ZNF90: variants seen among roughly 807,000 people sequenced by gnomAD.
ZNF90 encodes the protein zinc finger protein HTF9.
In ZNF90, 11 loss-of-function variants were observed where a neutral mutation model predicts 12.0. The ratio of observed to expected loss-of-function variants is 0.92; its 90% CI spans 0.58 to 1.52. The LOEUF is 1.52. Among genes scored for constraint, ZNF90 ranks in the 40% most tolerant of loss-of-function variants. The probability of loss-of-function intolerance (pLI) is 0.00; values close to 1 mark genes in which losing one functional copy is unlikely to be tolerated. For synonymous variants in ZNF90, 232 were observed against 240.1 expected, an observed-to-expected ratio of 0.97 and a Z score of 0.31; for missense variants, 765 against 711.5, an observed-to-expected ratio of 1.08 and a Z score of -0.86.
At chr19:20,105,583 A>G (rs1555704324) in intron 3 of ZNF90, among the ~76,000 whole-genome samples, 2 of 152,228 alleles carry the variant, frequency 1.3e-5, no homozygotes, top group African/African-American at 4.8e-5. Context: ...TTCATGGCAT[A>G]TAAGAGACTG....
At chr19:20,101,175 C>A (rs1555703831) in intron 1 of ZNF90, among the ~76,000 whole-genome samples, 1 of 152,184 alleles carries the variant, frequency 6.6e-6, no homozygotes, top group Non-Finnish European at 1.5e-5. Flanking sequence ...CTTTGCCACT[C>A]CCGATTAGGC....
intron 1 of ZNF90, among the ~76,000 whole-genome samples, chr19:20,104,030 C>G (rs1459999378): frequency 1.3e-5 from 2 of 152,090 alleles, no homozygotes; most frequent in Non-Finnish European, 2.9e-5. Context: ...CATATATGAA[C>G]TGATGTTGTG....
intron 1 of ZNF90, among the ~76,000 whole-genome samples, chr19:20,088,638 T>C (rs1244085351): frequency 6.6e-6 from 1 of 152,224 alleles, no homozygotes; most frequent in Admixed American, 6.5e-5. Flanking sequence ...TTTAAGAATA[T>C]GCAGGGTCCT....
chr19:20,092,740 A>C (rs1005079668), intron 1 of ZNF90, among the ~76,000 whole-genome samples: 1 of 152,186 alleles, frequency 6.6e-6, no homozygotes, highest in Admixed American at 6.5e-5. Flanking sequence ...GTGTGTTCTT[A>C]TGAAGAATTA....
intron 3 of ZNF90, among the ~76,000 whole-genome samples, chr19:20,112,946 G>C (rs1325134754): frequency 2.6e-5 from 4 of 151,616 alleles, no homozygotes; most frequent in African/African-American, 9.7e-5. Flanking sequence ...ATATATTTTT[G>C]GGTATGTCAC....
chr19:20,102,564 A>G (rs1379221631), intron 1 of ZNF90, among the ~76,000 whole-genome samples: 2 of 152,098 alleles, frequency 1.3e-5, no homozygotes, highest in African/African-American at 4.8e-5. Flanking sequence ...ATAGAAGTAT[A>G]TTTGCCTTGC....
chr19:20,114,538 TTAA>T (rs1472788272), intron 3 of ZNF90, among the ~76,000 whole-genome samples: 5 of 152,222 alleles, frequency 3.3e-5, no homozygotes, highest in African/African-American at 7.2e-5. Flanking sequence ...AATATTTATC[TTAA>T]TAATTGTTAG....
In ZNF90 at chr19:20,108,289, T is replaced by C. The variant is rs58496708; in HGVS notation, c.226+2973T>C. 4.9e-3 allele frequency among the ~76,000 whole-genome samples: 744 copies of C among 152,310 alleles called. 7 individuals are homozygous for C. Among genetic ancestry groups the C allele is most frequent in the African/African-American group, 0.016 (671 of 41,570 alleles). On this transcript the variant is annotated intron_variant, in intron 3 of 3. Transcript: ENST00000418063. ...ATGAATACATAGTGATGGTTAAATATTGCAGTTACTTAGACAAATTGTTAA... is the reference window on the plus strand; with the variant it reads ...ATGAATACATAGTGATGGTTAAATACTGCAGTTACTTAGACAAATTGTTAA...
chr19:20,078,083 C>G lies in ZNF90; in HGVS notation c.-50C>G. 6.2e-7 allele frequency: 1 copy of G among 1,613,732 alleles called. No individual in the cohort carries two copies. The highest frequency in any genetic ancestry group is 1.1e-5 in the South Asian group (1 of 91,062). On this transcript the variant is annotated 5_prime_UTR_variant, in exon 1 of 4. Coordinates refer to ENST00000418063, the MANE Select transcript of ZNF90 (RefSeq NM_007138.2). ...TTCTCCAGCCTCTGTGGCCCTGTGA[C>G]CTGCAGGTATTGGGAGATCCACAGC...
intron 3 of ZNF90, among the ~76,000 whole-genome samples, chr19:20,112,200 AG>A (rs1568291517): frequency 6.6e-6 from 1 of 151,516 alleles, no homozygotes; most frequent in African/African-American, 2.4e-5. Flanking sequence ...TCTATAAAAA[AG>A]AACTTTAAAG....
rs1555706344 is a variant in ZNF90, at chr19:20,119,484, A to G, written c.*124A>G. On this transcript the variant is annotated 3_prime_UTR_variant, in exon 4 of 4. Transcript: ENST00000418063. ...CTTACTAAATATGAGAATTTATATG[A>G]AACATAACTCCTACAAAAATAAAGA... 3 of 805,566 alleles carry G rather than the reference A, an allele frequency of 3.7e-6. No homozygotes were observed. 49.9% of individuals were successfully genotyped at this position (805,566 alleles called of 1,614,324 possible).
At chr19:20,110,143 T>C (rs555148097) in intron 3 of ZNF90, among the ~76,000 whole-genome samples, 2 of 152,384 alleles carry the variant, frequency 1.3e-5, no homozygotes, top group South Asian at 4.1e-4. Flanking sequence ...TAATATTCCA[T>C]TGTATGTATA....
intron 3 of ZNF90, among the ~76,000 whole-genome samples, chr19:20,113,100 T>C (rs1555705301): frequency 6.6e-6 from 1 of 152,210 alleles, no homozygotes; most frequent in East Asian, 1.9e-4. Flanking sequence ...TTTCTGTTTC[T>C]TTTCCTGTAT....
chr19:20,108,327 G>A (rs1328357971), intron 3 of ZNF90, among the ~76,000 whole-genome samples: 3 of 152,054 alleles, frequency 2.0e-5, no homozygotes, highest in African/African-American at 7.2e-5. Context: ...AAAATTTTTT[G>A]GAGAAGTAGT....
chr19:20,102,424 G>A lies in ZNF90; in HGVS notation c.4-1815G>A, dbSNP rs1599647803. 2.0e-5 allele frequency among the ~76,000 whole-genome samples: 3 copies of A among 152,238 alleles called. No homozygotes were observed. In the South Asian group the frequency reaches 6.2e-4, roughly 32 times the overall value. ...TAGCCAATCAGAATTAGCTTAGACT[G>A]TGGTCCAACCCTAGCCAATAGCAGA... On this transcript the variant is annotated intron_variant, in intron 1 of 3. Transcript: ENST00000418063.
chr19:20,093,470 T>TG (rs2088918328), intron 1 of ZNF90, among the ~76,000 whole-genome samples: 1 of 151,146 alleles, frequency 6.6e-6, no homozygotes, highest in Non-Finnish European at 1.5e-5. Context: ...TGGGCTAAGG[T>TG]GGGGGGATAT....
chr19:20,082,053 C>T (rs570550632), intron 1 of ZNF90, among the ~76,000 whole-genome samples: 74 of 152,072 alleles, frequency 4.9e-4, no homozygotes, highest in Admixed American at 1.6e-3. Flanking sequence ...CGTGAGCCAC[C>T]GCGCCTGGCC....
At chr19:20,111,012 G>A (rs1555705053) in intron 3 of ZNF90, among the ~76,000 whole-genome samples, 1 of 152,132 alleles carries the variant, frequency 6.6e-6, no homozygotes, top group East Asian at 1.9e-4. Flanking sequence ...CAGAAATTTT[G>A]ATGTCTAGTG....
intron 1 of ZNF90, among the ~76,000 whole-genome samples, chr19:20,093,684 G>A (rs10422598): frequency 1.3e-5 from 2 of 152,214 alleles, no homozygotes; most frequent in South Asian, 4.2e-4. Flanking sequence ...GTTTTCAGGG[G>A]TTTTGAAGCT....
Sources: gnomAD v4.1 joint callset for allele counts (sites outside exome capture counted in the v4.1 genomes callset) on GRCh38, gnomAD v4.1.1 for gene constraint, MANE v1.5 for transcripts, NCBI Gene and HGNC (gene_info 2026-07-23, HGNC 2026-07-21) for gene names.